The following LUZP2 variants were observed in gnomAD, a reference collection of about 807,000 sequenced individuals.
The protein encoded by LUZP2 is leucine zipper protein 2.
A neutral mutation model predicts 51.6 loss-of-function variants in LUZP2; 52 were observed. That is an observed-to-expected ratio of 1.01 (90% CI 0.81 to 1.27). LUZP2 has a LOEUF of 1.27. Ranked by LOEUF, LUZP2 falls within the 50% of genes most tolerant of loss-of-function variation. The pLI is 0.00. For missense variants in LUZP2, 436 were observed against 395.4 expected (o/e 1.10, Z -0.87); for synonymous variants, 154 against 137.3 (o/e 1.12, Z -0.85).
chr11:24,949,325 T>TATC (rs1491008226), intron 7 of LUZP2, among the ~76,000 whole-genome samples: 1 of 36,180 alleles, frequency 2.8e-5, no homozygotes, highest in Non-Finnish European at 6.5e-5. Flanking sequence ...TCTATCTATC[T>TATC]ATCTATCTCT....
At chr11:24,501,455 G>T (rs186056097) in intron 1 of LUZP2, among the ~76,000 whole-genome samples, 1 of 152,288 alleles carries the variant, frequency 6.6e-6, no homozygotes, top group East Asian at 1.9e-4. Flanking sequence ...AACCAATGAG[G>T]AATGCGTGGT....
At chr11:24,812,646 A>G (rs1337477339) in intron 5 of LUZP2, among the ~76,000 whole-genome samples, 1 of 152,236 alleles carries the variant, frequency 6.6e-6, no homozygotes, top group African/African-American at 2.4e-5. Context: ...AGACAAAAAT[A>G]GATTCTTCCT....
chr11:24,972,539 A>G (rs76667382), intron 7 of LUZP2, among the ~76,000 whole-genome samples: 2,389 of 152,060 alleles, frequency 0.016, 37 homozygotes, highest in Non-Finnish European at 0.024. Context: ...CTCCTACCAT[A>G]TTTGTTTTGC....
At chr11:24,554,160 A>G (rs1851800221) in intron 1 of LUZP2, among the ~76,000 whole-genome samples, 1 of 152,170 alleles carries the variant, frequency 6.6e-6, no homozygotes, top group Non-Finnish European at 1.5e-5. Flanking sequence ...CATAATTTGA[A>G]AATTGCAACT....
rs564723915 is a variant in LUZP2, at chr11:24,694,460, T to C, written c.63-34709T>C. ...ATGATTTATCTCAGGTGTCTAGAAC[T>C]CACTTTAGCAAATACTTATAGAATT... is the stretch of plus-strand genomic sequence containing the variant. On this transcript the variant is annotated intron_variant, in intron 1 of 11. Coordinates refer to ENST00000336930, the MANE Select transcript of LUZP2 (RefSeq NM_001009909.4). 1.4e-3 allele frequency among the ~76,000 whole-genome samples: 207 copies of C among 152,234 alleles called. 1 individual carries two copies. The Middle Eastern group carries it at 0.024, about 18-fold the overall frequency.
chr11:25,054,844 A>G (rs1377142909), intron 10 of LUZP2, among the ~76,000 whole-genome samples: 1 of 152,042 alleles, frequency 6.6e-6, no homozygotes, highest in Non-Finnish European at 1.5e-5. Context: ...TCTACAATTT[A>G]AAGTACTGTG....
chr11:24,986,092 T>C (rs918905894), intron 9 of LUZP2, among the ~76,000 whole-genome samples: 1 of 151,756 alleles, frequency 6.6e-6, no homozygotes, highest in African/African-American at 2.4e-5. Context: ...TATGTCTATT[T>C]TGCTATTGCA....
intron 10 of LUZP2, among the ~76,000 whole-genome samples, chr11:25,056,343 G>A (rs1036050795): frequency 6.6e-6 from 1 of 152,126 alleles, no homozygotes; most frequent in Admixed American, 6.5e-5. Flanking sequence ...AGGCATTTGT[G>A]TGGAGGACAG....
intron 9 of LUZP2, among the ~76,000 whole-genome samples, chr11:25,041,945 C>T (rs894776723): frequency 3.3e-5 from 5 of 152,154 alleles, no homozygotes; most frequent in Non-Finnish European, 7.3e-5. Context: ...GGGTTATGTG[C>T]TCTTTATGAA....
rs1590713736 is a variant in LUZP2, at chr11:24,906,054, G to A, written c.459+1G>A. 1 of 1,611,530 alleles carries A rather than the reference G, an allele frequency of 6.2e-7. No homozygotes were observed. The highest frequency in any genetic ancestry group is 8.5e-7 in the Non-Finnish European group (1 of 1,178,538). ...GCTCTGTGGCATTCACGCAGAAGAGGTGAGTAAATTTTTGCTTCTTCTAGC... is the reference window on the plus strand; with the variant it reads ...GCTCTGTGGCATTCACGCAGAAGAGATGAGTAAATTTTTGCTTCTTCTAGC... On this transcript the variant is annotated splice_donor_variant, in intron 6 of 11. Transcript: ENST00000336930. LOFTEE classifies it high-confidence loss of function.
intron 5 of LUZP2, among the ~76,000 whole-genome samples, chr11:24,826,190 A>AAAAAAAAAAATATATATATATATATAT (rs1215786412): frequency 1.5e-5 from 1 of 67,550 alleles, no homozygotes; most frequent in African/African-American, 5.9e-5. Context: ...AAAAAAAAAA[A>AAAAAAAAAAATATATATATATATATAT]ATATATATAT....
intron 7 of LUZP2, among the ~76,000 whole-genome samples, chr11:24,927,638 A>G (rs763422606): frequency 2.6e-5 from 4 of 152,026 alleles, no homozygotes; most frequent in Non-Finnish European, 4.4e-5. Context: ...TTTGGTGACT[A>G]TGGCCTTAGA....
intron 4 of LUZP2, chr11:24,763,027 T>C (rs916145091): frequency 4.2e-6 from 3 of 712,932 alleles, no homozygotes; most frequent in Admixed American, 1.3e-4. Flanking sequence ...AAAAAAATAA[T>C]AAATAGTTTG....
intron 4 of LUZP2, among the ~76,000 whole-genome samples, chr11:24,754,633 G>T (rs1171965316): frequency 6.6e-6 from 1 of 152,148 alleles, no homozygotes; most frequent in African/African-American, 2.4e-5. Flanking sequence ...TGCATATGAA[G>T]CATATCAACT....
chr11:25,062,587 CA>C (rs1163708322), intron 10 of LUZP2, among the ~76,000 whole-genome samples: 267 of 43,064 alleles, frequency 6.2e-3, no homozygotes, highest in African/African-American at 0.013. Context: ...AAGACCCTGT[CA>C]AAAAAAAAAA....
chr11:24,606,077 T>A (rs959306181), intron 1 of LUZP2, among the ~76,000 whole-genome samples: 2 of 151,856 alleles, frequency 1.3e-5, no homozygotes, highest in Admixed American at 1.3e-4. Flanking sequence ...TGTGCACATA[T>A]AGGTATATTT....
chr11:24,648,351 C>A (rs1207598011), intron 1 of LUZP2, among the ~76,000 whole-genome samples: 1 of 151,822 alleles, frequency 6.6e-6, no homozygotes. Flanking sequence ...TCTCCTTTCC[C>A]CTAACCTATC....
rs2133737600 is a variant in LUZP2 at position 24,497,179 on chromosome 11, G to T, written c.-65G>T. Reference sequence around the variant, plus strand: ...TGGGGACAGAGCCGGGCACCAAGGAGCGACAGGATCCCGAAGAGAGAGAGA... The same window carrying T: ...TGGGGACAGAGCCGGGCACCAAGGATCGACAGGATCCCGAAGAGAGAGAGA... On this transcript the variant is annotated 5_prime_UTR_variant, in exon 1 of 12. Coordinates refer to ENST00000336930, the MANE Select transcript of LUZP2 (RefSeq NM_001009909.4). 2 of 1,435,214 alleles carry T rather than the reference G, an allele frequency of 1.4e-6. No homozygotes were observed. The highest frequency in any genetic ancestry group is 5.3e-5 in the East Asian group (2 of 38,056). 88.9% of individuals were successfully genotyped at this position (1,435,214 alleles called of 1,614,324 possible). A position where few individuals can be genotyped will look rare whatever the true frequency, so the allele number is the denominator to read the frequency against.
At chr11:24,594,750 CTTTTTTTTTTTTTTT>C (rs61196514) in intron 1 of LUZP2, among the ~76,000 whole-genome samples, 1 of 78,554 alleles carries the variant, frequency 1.3e-5, no homozygotes, top group African/African-American at 5.7e-5. Flanking sequence ...GTTTGGGACA[CTTTTTTTTTTTTTTT>C]TTTTTTTTTT....
Sources: gnomAD v4.1 joint callset for allele counts (sites outside exome capture counted in the v4.1 genomes callset) on GRCh38, gnomAD v4.1.1 for gene constraint, MANE v1.5 for transcripts, NCBI Gene and HGNC (gene_info 2026-07-23, HGNC 2026-07-21) for gene names.